The following LRRC53 variants were observed in gnomAD, a reference collection of about 807,000 sequenced individuals.
The protein encoded by LRRC53 is leucine rich repeat containing 53, also known as leucine-rich repeat-containing protein 53.
A neutral mutation model predicts 13.6 loss-of-function variants in LRRC53; 25 were observed. The observed-to-expected ratio is 1.83, with a 90% confidence interval of 1.34 to 2.56. The LOEUF (loss-of-function observed/expected upper bound fraction) is 2.56. Among genes scored for constraint, LRRC53 ranks in the 30% most tolerant of loss-of-function variants. LRRC53 has a pLI of 0.00. For synonymous variants in LRRC53, 204 were observed against 109.8 expected (o/e 1.86, Z -5.37); for missense variants, 527 against 275.8 (o/e 1.91, Z -6.45).
chr1:74,520,227 A>G, the LRRC53 span, among the ~76,000 whole-genome samples: 1 of 152,048 alleles, frequency 6.6e-6, no homozygotes, highest in Non-Finnish European at 1.5e-5. Flanking sequence ...TACCTTGATT[A>G]TAAATGATAA....
chr1:74,492,331 A>G (rs111996322), intron 1 of LRRC53: 3 of 1,390,496 alleles, frequency 2.2e-6, no homozygotes, highest in African/African-American at 2.8e-5. Flanking sequence ...AAGACAGTCA[A>G]CTGATTTGAT....
chr1:74,491,887 C>G (rs2100303525), intron 1 of LRRC53, among the ~76,000 whole-genome samples: 1 of 152,262 alleles, frequency 6.6e-6, no homozygotes, highest in Middle Eastern at 3.4e-3. Context: ...CAGGCCAGCT[C>G]TCAGCACAGA....
rs1341015786 is a variant in LRRC53 at position 74,471,795 on chromosome 1, T to A, written c.1827A>T (p.Ala609=). The A allele has an allele frequency of 2.3e-6, 1 of 426,480 alleles. No individual in the cohort carries two copies. The allele number at this position is 426,480 out of a possible 1,614,324, so 26.4% of individuals were successfully genotyped here. A position where few individuals can be genotyped will look rare whatever the true frequency, so the allele number is the denominator to read the frequency against. ...CCTCACTCATAAGAAATTTTTCTAT[T>A]GCACTGTTAATTTGGATTTGCTCTT... ...PEKEQIQINS[A]IEKFLMSEDN... is the part of the protein sequence containing the mutation. The change falls in exon 5 of 5, where the codon GCA becomes GCT. Residue 609 remains alanine, a synonymous_variant. Transcript: ENST00000294635.
the LRRC53 span, among the ~76,000 whole-genome samples, chr1:74,525,584 G>A: frequency 1.3e-5 from 2 of 152,200 alleles, no homozygotes; most frequent in Non-Finnish European, 2.9e-5. Context: ...TAAACTCTGT[G>A]CCCAAATGCC....
the LRRC53 span, among the ~76,000 whole-genome samples, chr1:74,528,058 G>A: frequency 6.6e-6 from 1 of 152,282 alleles, no homozygotes; most frequent in Admixed American, 6.5e-5. Flanking sequence ...CAGAATCGAA[G>A]CCCAGGAAGA....
intron 1 of LRRC53, among the ~76,000 whole-genome samples, chr1:74,496,645 G>A (rs910961623): frequency 1.3e-5 from 2 of 152,012 alleles, no homozygotes; most frequent in Non-Finnish European, 2.9e-5. Context: ...ATTTAGAGGT[G>A]CAAAATTGTG....
At chr1:74,481,078 A>G in intron 2 of LRRC53, 110 bp from the exon 3 acceptor site, 1 of 596,304 alleles carries the variant, frequency 1.7e-6, no homozygotes, top group Non-Finnish European at 3.0e-6. Context: ...TCACCTGGGT[A>G]AAAACAATAA....
chr1:74,497,682 C>A (rs1051272321), intron 1 of LRRC53, among the ~76,000 whole-genome samples: 1 of 152,046 alleles, frequency 6.6e-6, no homozygotes, highest in African/African-American at 2.4e-5. Flanking sequence ...TGCTTCCTAG[C>A]GTTTGCAACA....
chr1:74,475,690 G>A lies in LRRC53; in HGVS notation c.1025C>T (p.Ala342Val), dbSNP rs1186947166. Residue 342 changes from alanine to valine, a missense_variant, in exon 4 of 5, where the codon GCT becomes GTT. Transcript: ENST00000294635. ...CCRTFDEPLC[A>V]HEARNYHTKG... ...AGTGTGGTAATTTCTTGCCTCATGA[G>A]CACACAGGGGTTCATCGAAGGTTCT... The A allele has an allele frequency of 4.2e-6, 3 of 713,042 alleles. No individual in the cohort carries two copies. The highest frequency in any genetic ancestry group is 7.8e-6 in the Non-Finnish European group (3 of 382,986). The allele number at this position is 713,042 out of a possible 1,614,324, so 44.2% of individuals were successfully genotyped here. A position where few individuals can be genotyped will look rare whatever the true frequency, so the allele number is the denominator to read the frequency against.
At chr1:74,492,394 C>G in intron 1 of LRRC53, 1 of 1,232,208 alleles carries the variant, frequency 8.1e-7, no homozygotes, top group Admixed American at 3.2e-5. Context: ...GAGGAGTTTT[C>G]AGCCCATTTT....
At chr1:74,514,111 A>G (rs541911892), upstream of LRRC53, among the ~76,000 whole-genome samples, 105 of 152,356 alleles carry the variant, frequency 6.9e-4, no homozygotes, top group Non-Finnish European at 1.3e-3. Context: ...GCACACCAAA[A>G]TAGAAGCTTC....
At chr1:74,522,850 A>G in the LRRC53 span, among the ~76,000 whole-genome samples, 601 of 152,330 alleles carry the variant, frequency 3.9e-3, 4 homozygotes, top group Non-Finnish European at 6.2e-3. Context: ...AAGGAATTCA[A>G]GATTAAACTG....
chr1:74,479,714 A>G (rs909839659), intron 3 of LRRC53, among the ~76,000 whole-genome samples: 1 of 152,226 alleles, frequency 6.6e-6, no homozygotes, highest in African/African-American at 2.4e-5. Flanking sequence ...GGAGAAGCAC[A>G]CAAATGTAAG....
chr1:74,526,311 C>T, the LRRC53 span, among the ~76,000 whole-genome samples: 2 of 152,202 alleles, frequency 1.3e-5, no homozygotes, highest in African/African-American at 4.8e-5. Context: ...ATATGTATTG[C>T]TCTGTGGGCT....
intron 3 of LRRC53, among the ~76,000 whole-genome samples, chr1:74,479,160 C>T (rs1668352668): frequency 6.6e-6 from 1 of 152,172 alleles, no homozygotes. Flanking sequence ...CTCTCTTTCT[C>T]TCCCCACCCC....
intron 3 of LRRC53, among the ~76,000 whole-genome samples, chr1:74,479,353 T>C (rs1668362321): frequency 6.6e-6 from 1 of 152,244 alleles, no homozygotes; most frequent in Admixed American, 6.5e-5. Context: ...TGATGCATAG[T>C]TTCATAAATT....
Position 74,509,747 on chromosome 1 carries a change from CTTTTTTTTTTTTT to C in LRRC53, c.-27+2766_-27+2778del, listed in dbSNP as rs68193106. 2.7e-3 allele frequency among the ~76,000 whole-genome samples: 128 copies of C among 47,832 alleles called. 2 individuals are homozygous for C. Among genetic ancestry groups the C allele is most frequent in the Middle Eastern group, 0.024 (1 of 42 alleles). The allele number at this position is 47,832 out of a possible 152,430, so 31.4% of individuals were successfully genotyped here. A position where few individuals can be genotyped will look rare whatever the true frequency, so the allele number is the denominator to read the frequency against. ...TTCTGGTTTTGAGTGATCTGAATTTCTTTTTTTTTTTTTTTTTTTTTTTTTTTTTTGAGACAGG... is the reference window on the plus strand; with the variant it reads ...TTCTGGTTTTGAGTGATCTGAATTTCTTTTTTTTTTTTTTTTTGAGACAGG... On this transcript the variant is annotated intron_variant, in intron 1 of 4. Coordinates refer to ENST00000294635, the MANE Select transcript of LRRC53 (RefSeq NM_001382280.1).
chr1:74,503,671 C>T (rs942419931), intron 1 of LRRC53, among the ~76,000 whole-genome samples: 11 of 152,120 alleles, frequency 7.2e-5, no homozygotes, highest in Non-Finnish European at 1.5e-4. Context: ...TCATTAAGGG[C>T]CTGCAGTGGC....
chr1:74,501,436 C>T (rs1669619236), intron 1 of LRRC53, among the ~76,000 whole-genome samples: 1 of 152,064 alleles, frequency 6.6e-6, no homozygotes, highest in Admixed American at 6.6e-5. Flanking sequence ...TACCTCAAGA[C>T]CAACCAAAAC....
Sources: gnomAD v4.1 joint callset for allele counts (sites outside exome capture counted in the v4.1 genomes callset) on GRCh38, gnomAD v4.1.1 for gene constraint, MANE v1.5 for transcripts, NCBI Gene and HGNC (gene_info 2026-07-23, HGNC 2026-07-21) for gene names.